Variants in PLCB1 observed in about 807,000 individuals in gnomAD.
PLCB1 encodes the protein 1-phosphatidylinositol 4,5-bisphosphate phosphodiesterase beta-1.
In PLCB1, 46 loss-of-function variants were observed where a neutral mutation model predicts 161.8. The ratio of observed to expected loss-of-function variants is 0.28; its 90% CI spans 0.22 to 0.36. PLCB1 has a LOEUF of 0.36. Ranked by LOEUF, PLCB1 falls within the 10% of genes least tolerant of loss-of-function variation. PLCB1 has a pLI of 1.00. For missense variants in PLCB1, 1,016 were observed against 1,472.5 expected (o/e 0.69, Z 5.07); for synonymous variants, 517 against 503.7 (o/e 1.03, Z -0.35).
chr20:8,327,637 T>C (rs1985208549), intron 2 of PLCB1, among the ~76,000 whole-genome samples: 1 of 152,342 alleles, frequency 6.6e-6, no homozygotes, highest in Admixed American at 6.5e-5. Flanking sequence ...ATAGAAGGCC[T>C]GTTCATCATA....
At chr20:8,278,460 G>A (rs1352321389) in intron 2 of PLCB1, among the ~76,000 whole-genome samples, 2 of 151,040 alleles carry the variant, frequency 1.3e-5, no homozygotes, top group African/African-American at 2.4e-5. Context: ...CTGATGAAGA[G>A]CTTGCCAAGA....
In PLCB1 at chr20:8,717,709, A is replaced by G; in HGVS notation, c.1374A>G (p.Leu458=). The change falls in exon 14 of 32, where the codon TTA becomes TTG. Residue 458 remains leucine, a synonymous_variant. Coordinates refer to ENST00000338037, the MANE Select transcript of PLCB1 (RefSeq NM_015192.4). ...SGVPLPSPMD[L]MYKILVKNKK... is the part of the protein sequence containing the mutation. ...TTCCTCTTCCAAGCCCTATGGATTT[A>G]ATGTATAAAATTTTGGTGAAAAATA... 6.2e-7 allele frequency: 1 copy of G among 1,613,278 alleles called. No individual in the cohort carries two copies. Among genetic ancestry groups the G allele is most frequent in the Non-Finnish European group, 8.5e-7 (1 of 1,179,588 alleles).
intron 3 of PLCB1, among the ~76,000 whole-genome samples, chr20:8,499,284 A>G (rs1983305297): frequency 6.6e-6 from 1 of 152,224 alleles, no homozygotes; most frequent in African/African-American, 2.4e-5. Flanking sequence ...TTTTTTCTTC[A>G]CATTCCCTAA....
At chr20:8,700,690 G>T (rs1331997820) in intron 11 of PLCB1, among the ~76,000 whole-genome samples, 1 of 152,148 alleles carries the variant, frequency 6.6e-6, no homozygotes, top group Non-Finnish European at 1.5e-5. Flanking sequence ...ATCCCAGTTG[G>T]TTTTTCCAGC....
chr20:8,854,348 C>T (rs1328326084), intron 31 of PLCB1, among the ~76,000 whole-genome samples: 1 of 152,130 alleles, frequency 6.6e-6, no homozygotes, highest in African/African-American at 2.4e-5. Flanking sequence ...GGGCTCTGAA[C>T]AAGCAACAGA....
chr20:8,558,755 A>G (rs1177393990), intron 3 of PLCB1, among the ~76,000 whole-genome samples: 2 of 151,964 alleles, frequency 1.3e-5, no homozygotes, highest in Admixed American at 6.6e-5. Context: ...TATCAGAAAC[A>G]ATGGAGGCAA....
chr20:8,804,725 C>T (rs2146243563), intron 31 of PLCB1, among the ~76,000 whole-genome samples: 1 of 152,176 alleles, frequency 6.6e-6, no homozygotes, highest in Non-Finnish European at 1.5e-5. Flanking sequence ...CATGGTGGCT[C>T]ATGCCTGTAA....
Position 8,426,052 on chromosome 20 carries a change from A to G in PLCB1, c.246+54602A>G, listed in dbSNP as rs115430702. On this transcript the variant is annotated intron_variant, in intron 3 of 31. Transcript: ENST00000338037. ...TCTGGCACATATGTCAGCAGAGCCC[A>G]CTTTTTAGCTGAGTTGAAAGGAACA... 5.3e-3 allele frequency among the ~76,000 whole-genome samples: 804 copies of G among 152,282 alleles called. 7 individuals carry two copies. Among genetic ancestry groups the G allele is most frequent in the African/African-American group, 0.018 (758 of 41,558 alleles).
intron 3 of PLCB1, among the ~76,000 whole-genome samples, chr20:8,430,363 G>T (rs191941265): frequency 1.3e-5 from 2 of 150,912 alleles, no homozygotes; most frequent in African/African-American, 4.8e-5. Context: ...TGCTCTTCCC[G>T]GGTCAGTTTT....
chr20:8,845,371 T>C (rs929236462), intron 31 of PLCB1, among the ~76,000 whole-genome samples: 7 of 152,212 alleles, frequency 4.6e-5, no homozygotes, highest in African/African-American at 1.4e-4. Context: ...AATACATTGA[T>C]CTCTTTATTA....
chr20:8,777,170 G>A (rs1456498028), intron 27 of PLCB1, among the ~76,000 whole-genome samples: 1 of 152,110 alleles, frequency 6.6e-6, no homozygotes, highest in Admixed American at 6.5e-5. Context: ...ATCTTCTGGG[G>A]TCTTTAGGCC....
intron 2 of PLCB1, among the ~76,000 whole-genome samples, chr20:8,330,746 T>C (rs6055742): frequency 1.3e-5 from 2 of 152,322 alleles, no homozygotes; most frequent in Admixed American, 6.5e-5. Flanking sequence ...GAAGATGGTG[T>C]CTGGACATTT....
intron 3 of PLCB1, among the ~76,000 whole-genome samples, chr20:8,430,164 C>T (rs1979972742): frequency 6.6e-6 from 1 of 151,736 alleles, no homozygotes; most frequent in African/African-American, 2.4e-5. Flanking sequence ...GAAGATAAGC[C>T]CATGAAGGAA....
At chr20:8,581,815 C>T (rs372660053) in intron 3 of PLCB1, among the ~76,000 whole-genome samples, 6 of 152,126 alleles carry the variant, frequency 3.9e-5, no homozygotes, top group East Asian at 3.9e-4. Flanking sequence ...TGTATTCCTC[C>T]GAACCTCTGT....
At chr20:8,799,893 A>G (rs1458093753) in intron 31 of PLCB1, among the ~76,000 whole-genome samples, 1 of 152,224 alleles carries the variant, frequency 6.6e-6, no homozygotes, top group Non-Finnish European at 1.5e-5. Context: ...AAATAGTGTT[A>G]TACTGTATTG....
intron 2 of PLCB1, among the ~76,000 whole-genome samples, chr20:8,299,268 C>G (rs1051739506): frequency 1.3e-5 from 2 of 152,132 alleles, no homozygotes; most frequent in Admixed American, 1.3e-4. Flanking sequence ...GGTGTATAAG[C>G]CAAGCTGCCC....
chr20:8,133,507 G>T (rs991657540), intron 1 of PLCB1, among the ~76,000 whole-genome samples: 4 of 152,134 alleles, frequency 2.6e-5, no homozygotes, highest in Non-Finnish European at 4.4e-5. Flanking sequence ...TACCTGCACC[G>T]TTTGCCAGGT....
At chr20:8,496,550 C>G (rs1328928167) in intron 3 of PLCB1, among the ~76,000 whole-genome samples, 1 of 152,100 alleles carries the variant, frequency 6.6e-6, no homozygotes, top group Non-Finnish European at 1.5e-5. Context: ...TTTTCTCAGT[C>G]CTCTCTTTTT....
At chr20:8,454,069 C>A (rs1025787048) in intron 3 of PLCB1, among the ~76,000 whole-genome samples, 2 of 152,148 alleles carry the variant, frequency 1.3e-5, no homozygotes, top group Non-Finnish European at 2.9e-5. Flanking sequence ...AGGGAGGCCT[C>A]ACCAGTAACC....
Sources: gnomAD v4.1 joint callset for allele counts (sites outside exome capture counted in the v4.1 genomes callset) on GRCh38, gnomAD v4.1.1 for gene constraint, MANE v1.5 for transcripts, NCBI Gene and HGNC (gene_info 2026-07-23, HGNC 2026-07-21) for gene names.